Variants in MPPED1 observed in about 807,000 individuals in gnomAD.
The protein encoded by MPPED1 is metallophosphoesterase domain-containing protein 1.
Under a neutral mutation model 36.2 loss-of-function variants are expected in MPPED1, and 16 were observed. The observed-to-expected ratio is 0.44, with a 90% CI of 0.30 to 0.67. The LOEUF is 0.67. Among genes scored for constraint, MPPED1 ranks in the 30% least tolerant of loss-of-function variants. The pLI, the probability that MPPED1 is intolerant of heterozygous loss-of-function variation, is 0.10. For missense variants in MPPED1, 307 were observed against 453.4 expected, an observed-to-expected ratio of 0.68 and a Z score of 2.93; for synonymous variants, 199 against 191.3, an observed-to-expected ratio of 1.04 and a Z score of -0.33.
chr22:43,497,576 G>A (rs1932460156), intron 4 of MPPED1, among the ~76,000 whole-genome samples: 1 of 152,016 alleles, frequency 6.6e-6, no homozygotes, highest in Non-Finnish European at 1.5e-5. Flanking sequence ...ACTGACTAGG[G>A]GGAATATCTG....
chr22:43,450,670 A>G (rs112282615), intron 3 of MPPED1, among the ~76,000 whole-genome samples: 57 of 152,278 alleles, frequency 3.7e-4, no homozygotes, highest in African/African-American at 1.4e-3. Context: ...TTTTGTGAAC[A>G]CATCTAAATC....
chr22:43,446,059 C>T (rs866081655), intron 3 of MPPED1, among the ~76,000 whole-genome samples: 5 of 133,794 alleles, frequency 3.7e-5, no homozygotes, highest in Non-Finnish European at 6.4e-5. Flanking sequence ...TTTGTAGAGA[C>T]GGGGTTTCAC....
Position 43,448,787 on chromosome 22 carries a change from G to C in MPPED1, c.406+13572G>C, listed in dbSNP as rs6003204. ...TCAGCTAATTTTTGTATTTTTAGTAGGGACGGGGTTTCACCATGTTGGCCA... is the reference window on the plus strand; with the variant it reads ...TCAGCTAATTTTTGTATTTTTAGTACGGACGGGGTTTCACCATGTTGGCCA... On this transcript the variant is annotated intron_variant, in intron 3 of 6. Transcript: ENST00000443721. 4.2e-3 allele frequency among the ~76,000 whole-genome samples: 646 copies of C among 152,088 alleles called. 5 individuals carry two copies. Among genetic ancestry groups the C allele is most frequent in the African/African-American group, 0.015 (623 of 41,474 alleles).
chr22:43,493,002 G>A (rs149197931), intron 4 of MPPED1, among the ~76,000 whole-genome samples: 103 of 152,212 alleles, frequency 6.8e-4, no homozygotes, highest in African/African-American at 2.2e-3. Context: ...ACCATCATTC[G>A]TTAAACATAG....
intron 5 of MPPED1, among the ~76,000 whole-genome samples, chr22:43,498,932 C>G (rs1304345900): frequency 6.6e-6 from 1 of 152,196 alleles, no homozygotes. Context: ...ATCACCACAT[C>G]CCTCCCATTC....
In MPPED1 at chr22:43,455,665, A is replaced by C. The variant is rs984063967; in HGVS notation, c.407-19071A>C. On this transcript the variant is annotated intron_variant, in intron 3 of 6. Transcript: ENST00000443721. Reference sequence around the variant, plus strand: ...AGAGCATTTTTGAATCTGTTGCAGGAAGCTATGGAAACCCATTCATAATCT... The same window carrying C: ...AGAGCATTTTTGAATCTGTTGCAGGCAGCTATGGAAACCCATTCATAATCT... Among the ~76,000 whole-genome samples, 12 of 152,164 alleles carry C rather than the reference A, an allele frequency of 7.9e-5. 1 individual carries two copies. The South Asian group carries it at 2.5e-3, about 32-fold the overall frequency.
chr22:43,433,102 C>G (rs1358863738), intron 2 of MPPED1, among the ~76,000 whole-genome samples: 1 of 152,012 alleles, frequency 6.6e-6, no homozygotes, highest in Admixed American at 6.6e-5. Flanking sequence ...CACCAGCTGT[C>G]TGTCATGGGG....
At chr22:43,418,482 GC>G (rs1929153783) in intron 1 of MPPED1, 1 of 257,090 alleles carries the variant, frequency 3.9e-6, no homozygotes, top group Admixed American at 4.9e-5. Flanking sequence ...CTCTGTGTGA[GC>G]CAAGGCCTCT....
At chr22:43,455,040 C>G (rs1296206803) in intron 3 of MPPED1, among the ~76,000 whole-genome samples, 2 of 151,398 alleles carry the variant, frequency 1.3e-5, no homozygotes, top group African/African-American at 2.4e-5. Context: ...TTTGAGGCCT[C>G]TCTCCTTGGC....
At position 43,445,681 on chromosome 22, in the gene MPPED1, C is replaced by T. The variant is rs183933144; in HGVS notation, c.406+10466C>T. ...GCTTAAGCAACCCTCCCGTCTTAGT[C>T]CCCCACCTCACCCCGAGTAGCTGGG... is the stretch of plus-strand genomic sequence containing the variant. On this transcript the variant is annotated intron_variant, in intron 3 of 6. Transcript: ENST00000443721. 1.3e-4 allele frequency among the ~76,000 whole-genome samples: 19 copies of T among 150,810 alleles called. No individual in the cohort carries two copies. The East Asian group carries it at 3.8e-3, about 30-fold the overall frequency.
At chr22:43,440,578 C>T (rs1481663527) in intron 3 of MPPED1, among the ~76,000 whole-genome samples, 1 of 152,212 alleles carries the variant, frequency 6.6e-6, no homozygotes, top group Non-Finnish European at 1.5e-5. Flanking sequence ...GCCATGCCTG[C>T]AAGAACTGTC....
At chr22:43,466,956 C>A (rs1425901932) in intron 3 of MPPED1, among the ~76,000 whole-genome samples, 1 of 152,208 alleles carries the variant, frequency 6.6e-6, no homozygotes, top group African/African-American at 2.4e-5. Context: ...TGTAAGCCTC[C>A]TTTGTGACAG....
chr22:43,432,407 GAGAT>G (rs148433417), intron 2 of MPPED1, among the ~76,000 whole-genome samples: 210 of 132,998 alleles, frequency 1.6e-3, no homozygotes, highest in African/African-American at 5.1e-3. Context: ...GGAGGAGAGA[GAGAT>G]AAAGGGAGGA....
intron 3 of MPPED1, among the ~76,000 whole-genome samples, chr22:43,456,358 C>G (rs1023082156): frequency 1.3e-5 from 2 of 152,192 alleles, no homozygotes; most frequent in Admixed American, 1.3e-4. Flanking sequence ...AGTGCCTGGG[C>G]TTAGGTGATT....
At chr22:43,484,723 A>G (rs1477181921) in intron 4 of MPPED1, among the ~76,000 whole-genome samples, 2 of 152,114 alleles carry the variant, frequency 1.3e-5, no homozygotes, top group Admixed American at 6.5e-5. Context: ...CCACCTGCTT[A>G]GGGGTGGCTG....
chr22:43,497,088 T>C (rs1932439015), intron 4 of MPPED1, among the ~76,000 whole-genome samples: 1 of 149,230 alleles, frequency 6.7e-6, no homozygotes, highest in Non-Finnish European at 1.5e-5. Flanking sequence ...GTGGAGGTAG[T>C]GGTGGCGGAG....
rs1929904638 is a variant in MPPED1 at position 43,435,044 on chromosome 22, G to C, written c.235G>C (p.Val79Leu). The stretch of plus-strand genomic sequence containing the variant: ...CATCTCTCCCTGCAGGGTGGACCCG[G>C]TGCCTCACGATGCCCCCAAACCTCC... ...QPPHVQMVDP[V>L]PHDAPKPPGY... is the part of the protein sequence containing the mutation. The change falls in exon 3 of 7, where the codon GTG becomes CTG. Residue 79 changes from valine (V) to leucine (L), a missense_variant. By Grantham distance (32) the Val-to-Leu change is conservative. Around this residue, in one of 3 missense-constraint regions of MPPED1, gnomAD observed 169 missense variants for 212.3 expected, o/e 0.80. Transcript: ENST00000443721. The C allele has an allele frequency of 6.2e-7, 1 of 1,613,502 alleles. No homozygotes were observed.
In MPPED1 at chr22:43,502,339, T is replaced by TG. The variant is rs1313817662; in HGVS notation, c.749-299dup. 6.6e-6 allele frequency among the ~76,000 whole-genome samples: 1 copy of TG among 152,134 alleles called. No homozygotes were observed. The highest frequency in any genetic ancestry group is 1.5e-5 in the Non-Finnish European group (1 of 68,014). Reference sequence around the variant, plus strand: ...TGAGGCCACTCGAGCACAGATGGTCTGGGGGGCGCCAGCAGTTACTGAGCA... The same window carrying TG: ...TGAGGCCACTCGAGCACAGATGGTCTGGGGGGGCGCCAGCAGTTACTGAGCA... On this transcript the variant is annotated intron_variant, in intron 5 of 6. Coordinates refer to ENST00000443721, the MANE Select transcript of MPPED1 (RefSeq NM_001044370.2). This position sits in a 1 kb window ranked among gnomAD's most constrained non-coding sequence, Gnocchi z 5.5.
chr22:43,449,079 A>T (rs1223536016), intron 3 of MPPED1, among the ~76,000 whole-genome samples: 1 of 152,172 alleles, frequency 6.6e-6, no homozygotes, highest in Non-Finnish European at 1.5e-5. Flanking sequence ...ACTAAAAAAA[A>T]GTCCTGTGTC....
Sources: allele counts gnomAD v4.1 joint callset (sites outside exome capture counted in the v4.1 genomes callset), GRCh38; gene constraint gnomAD v4.1.1; regional missense constraint gnomAD v4.1.1; non-coding constraint Gnocchi (gnomAD v3.1); transcripts MANE v1.5; gene names NCBI Gene and HGNC (gene_info 2026-07-23, HGNC 2026-07-21).